Variants in SLC35C1 observed in about 807,000 individuals in gnomAD.
SLC35C1 encodes the protein solute carrier family 35 member C1.
In SLC35C1, 8 loss-of-function variants were observed where a neutral mutation model predicts 23.2. That is an observed-to-expected ratio of 0.35 (90% CI 0.20 to 0.62). The LOEUF (loss-of-function observed/expected upper bound fraction) is 0.62. Ranked by LOEUF, SLC35C1 falls within the 20% of genes least tolerant of loss-of-function variation. The pLI is 0.75. For synonymous variants in SLC35C1, 226 were observed against 225.1 expected, an observed-to-expected ratio of 1.00 and a Z score of -0.04; for missense variants, 422 against 478.6, an observed-to-expected ratio of 0.88 and a Z score of 1.10.
intron 1 of SLC35C1, among the ~76,000 whole-genome samples, chr11:45,809,415 T>C (rs2085912298): frequency 6.6e-6 from 1 of 151,570 alleles, no homozygotes; most frequent in Admixed American, 6.6e-5. Context: ...CGTGCACTTC[T>C]TCATGGCTGG....
chr11:45,810,457 A>G, intron 1 of SLC35C1: 2 of 985,406 alleles, frequency 2.0e-6, no homozygotes, highest in African/African-American at 3.5e-5. Context: ...ACCTTGTACT[A>G]CTTTATGGAC....
At chr11:45,810,594 A>C in intron 1 of SLC35C1, 182 bp from the exon 2 acceptor site, 1 of 985,274 alleles carries the variant, frequency 1.0e-6, no homozygotes, top group Non-Finnish European at 1.2e-6. Flanking sequence ...CCCATAGTTC[A>C]TGTGGAGTGC....
At position 45,805,994 on chromosome 11, in the gene SLC35C1, A is replaced by T; in HGVS notation, c.193A>T (p.Ser65Cys). ...GTTCCTTAATAAGTACCTGCTGGACAGCCCCTCCCTGCGGCTGGACACCCC... is the reference window on the plus strand; with the variant it reads ...GTTCCTTAATAAGTACCTGCTGGACTGCCCCTCCCTGCGGCTGGACACCCC... ...MVFLNKYLLDSPSLRLDTPIF... is the reference protein window; with the variant it reads ...MVFLNKYLLDCPSLRLDTPIF... Residue 65 changes from serine (S) to cysteine (C), a missense_variant, in exon 1 of 2, where the codon AGC (serine) becomes TGC (cysteine). Coordinates refer to ENST00000314134, the MANE Select transcript of SLC35C1 (RefSeq NM_018389.5). 6.2e-7 allele frequency: 1 copy of T among 1,614,048 alleles called. No homozygotes were observed. The highest frequency in any genetic ancestry group is 8.5e-7 in the Non-Finnish European group (1 of 1,180,002).
At chr11:45,804,756 G>A (rs570576318), upstream of SLC35C1, 5 of 985,744 alleles carry the variant, frequency 5.1e-6, no homozygotes, top group South Asian at 2.3e-4. Flanking sequence ...AGGGACGCGG[G>A]GCTGCAACGC....
intron 1 of SLC35C1, chr11:45,809,820 G>T: frequency 1.0e-6 from 1 of 985,434 alleles, no homozygotes; most frequent in Non-Finnish European, 1.2e-6. Flanking sequence ...CTGGCTTCTG[G>T]GAGCATGGGA....
rs1590742538 is a variant in SLC35C1, at chr11:45,805,664, A to G, written c.-138A>G. The G allele has an allele frequency of 1.3e-6, 2 of 1,546,928 alleles. No individual in the cohort carries two copies. The highest frequency in any genetic ancestry group is 8.7e-7 in the Non-Finnish European group (1 of 1,151,316). On this transcript the variant is annotated 5_prime_UTR_variant, in exon 1 of 2. The change abolishes an upstream ATG in the 5' untranslated region. Coordinates refer to ENST00000314134, the MANE Select transcript of SLC35C1 (RefSeq NM_018389.5). ...CAGAACTTCTCAATCCATGAGGACA[A>G]TGGGGAGGCCTTTAGGCCAGCCCAC...
At position 45,810,767 on chromosome 11, in the gene SLC35C1, C is replaced by T; in HGVS notation, c.536-9C>T. ...TCACCCTTCCCCACTCCTCCTCTCCCCACTGCAGGGGGCTTCTGGCTTGGT... is the reference window on the plus strand; with the variant it reads ...TCACCCTTCCCCACTCCTCCTCTCCTCACTGCAGGGGGCTTCTGGCTTGGT... On this transcript the variant is annotated splice_polypyrimidine_tract_variant and intron_variant, in intron 1 of 1. Transcript: ENST00000314134. The T allele has an allele frequency of 1.9e-6, 3 of 1,608,044 alleles. No individual in the cohort carries two copies. The highest frequency in any genetic ancestry group is 2.5e-6 in the Non-Finnish European group (3 of 1,176,652).
intron 1 of SLC35C1, chr11:45,810,243 C>T: frequency 1.0e-6 from 1 of 985,426 alleles, no homozygotes; most frequent in Non-Finnish European, 1.2e-6. Flanking sequence ...ACAAGAGATT[C>T]TAACTTAATG....
Position 45,805,335 on chromosome 11 carries a change from G to GGCCCCC in SLC35C1, c.-467_-466insGCCCCC. The GGCCCCC allele has an allele frequency of 1.8e-6, 1 of 566,212 alleles. No homozygotes were observed. Among genetic ancestry groups the GGCCCCC allele is most frequent in the Non-Finnish European group, 2.1e-6 (1 of 483,464 alleles). 35.1% of individuals were successfully genotyped at this position (566,212 alleles called of 1,614,324 possible). On this transcript the variant is annotated 5_prime_UTR_variant, in exon 1 of 2. Coordinates refer to ENST00000314134, the MANE Select transcript of SLC35C1 (RefSeq NM_018389.5). Reference sequence around the variant, plus strand: ...GCTCCCTGTACGCCTCCCTCCCCCTGCCCGCCCCTCCCTCCCACAGCCGCC... The same window carrying GGCCCCC: ...GCTCCCTGTACGCCTCCCTCCCCCTGGCCCCCCCCGCCCCTCCCTCCCACAGCCGCC...
At chr11:45,810,087 G>T in intron 1 of SLC35C1, 2 of 985,436 alleles carry the variant, frequency 2.0e-6, no homozygotes, top group Non-Finnish European at 2.4e-6. Flanking sequence ...GGGAAGCTGG[G>T]GCGACCATAG....
chr11:45,804,810 C>G, upstream of SLC35C1: 1 of 985,686 alleles, frequency 1.0e-6, no homozygotes. Flanking sequence ...TAGCGCCGCC[C>G]GGGTCCTGGG....
In SLC35C1 at chr11:45,812,394, C is replaced by G; in HGVS notation, c.*1059C>G. On this transcript the variant is annotated 3_prime_UTR_variant, in exon 2 of 2. Transcript: ENST00000314134. ...TGTGGCTGACAGAGCCTGCTTGGCC[C>G]CACTGTTAGTCCAGCGAGCTCCTAT... 1.1e-5 allele frequency: 4 copies of G among 370,464 alleles called. No individual in the cohort carries two copies. Among genetic ancestry groups the G allele is most frequent in the South Asian group, 7.9e-5 (4 of 50,834 alleles). The allele number at this position is 370,464 out of a possible 1,614,324, so 22.9% of individuals were successfully genotyped here. A position where few individuals can be genotyped will look rare whatever the true frequency, so the allele number is the denominator to read the frequency against.
In SLC35C1 at chr11:45,805,286, T is replaced by C. The variant is rs930233907; in HGVS notation, c.-516T>C. Reference sequence around the variant, plus strand: ...CCTCTGACCCTTCCGCAGCCCTCCCTCCAGCCGCGCCCGGCCTCCGGCAGC... The same window carrying C: ...CCTCTGACCCTTCCGCAGCCCTCCCCCCAGCCGCGCCCGGCCTCCGGCAGC... On this transcript the variant is annotated 5_prime_UTR_variant, in exon 1 of 2. Transcript: ENST00000314134. The C allele has an allele frequency of 1.0e-6, 1 of 997,514 alleles. No homozygotes were observed. Among genetic ancestry groups the C allele is most frequent in the South Asian group, 3.6e-5 (1 of 27,716 alleles). The allele number at this position is 997,514 out of a possible 1,614,324, so 61.8% of individuals were successfully genotyped here. A position where few individuals can be genotyped will look rare whatever the true frequency, so the allele number is the denominator to read the frequency against.
Position 45,811,324 on chromosome 11 carries a change from A to G in SLC35C1, c.1084A>G (p.Met362Val), listed in dbSNP as rs998486328. 5 of 1,522,034 alleles carry G rather than the reference A, an allele frequency of 3.3e-6. No individual in the cohort carries two copies. Among genetic ancestry groups the G allele is most frequent in the African/African-American group, 1.4e-5 (1 of 72,468 alleles). 94.3% of individuals were successfully genotyped at this position (1,522,034 alleles called of 1,614,324 possible). ...CCCCAAAGACAGCGAGAAGAGCGCC[A>G]TGGGGGTGTGAGCACCACAGGCACC... is the stretch of plus-strand genomic sequence containing the variant. ...PSPKDSEKSA[M>V]GV Residue 362 changes from methionine (M) to valine (V), a missense_variant, in exon 2 of 2, where the codon ATG becomes GTG. Met to Val is a conservative substitution (Grantham distance 21). Coordinates refer to ENST00000314134, the MANE Select transcript of SLC35C1 (RefSeq NM_018389.5).
rs2085965273 is a variant in SLC35C1, at chr11:45,812,789, C to T, written c.*1454C>T. 2.5e-6 allele frequency: 1 copy of T among 400,812 alleles called. No individual in the cohort carries two copies. Among genetic ancestry groups the T allele is most frequent in the African/African-American group, 2.0e-5 (1 of 48,814 alleles). The allele number at this position is 400,812 out of a possible 1,614,324, so 24.8% of individuals were successfully genotyped here. A position where few individuals can be genotyped will look rare whatever the true frequency, so the allele number is the denominator to read the frequency against. ...GCCATACCACCCTTCACCACACCCT[C>T]CTGCGCTCAGGGTGGCTTGCAGTCC... On this transcript the variant is annotated 3_prime_UTR_variant, in exon 2 of 2. Coordinates refer to ENST00000314134, the MANE Select transcript of SLC35C1 (RefSeq NM_018389.5).
chr11:45,804,537 GCCT>G (rs1389876266), upstream of SLC35C1: 2 of 985,454 alleles, frequency 2.0e-6, no homozygotes, highest in African/African-American at 3.5e-5. Context: ...GCTGTCTTGA[GCCT>G]TTGGAATCTC....
Position 45,805,655 on chromosome 11 carries a change from A to G in SLC35C1, c.-147A>G. On this transcript the variant is annotated 5_prime_UTR_variant, in exon 1 of 2. The change abolishes an upstream ATG in the 5' untranslated region. Transcript: ENST00000314134. ...ACCCCAAAGCAGAACTTCTCAATCC[A>G]TGAGGACAATGGGGAGGCCTTTAGG... The G allele has an allele frequency of 1.3e-6, 2 of 1,530,074 alleles. No homozygotes were observed. Among genetic ancestry groups the G allele is most frequent in the African/African-American group, 2.7e-5 (2 of 73,046 alleles). 94.8% of individuals were successfully genotyped at this position (1,530,074 alleles called of 1,614,324 possible).
Position 45,806,063 on chromosome 11 carries a change from T to C in SLC35C1, c.262T>C (p.Cys88Arg). The change falls in exon 1 of 2, where the codon TGC (cysteine) becomes CGC (arginine). Residue 88 changes from cysteine (C) to arginine (R), a missense_variant. By Grantham distance (180) the Cys-to-Arg change is radical. Transcript: ENST00000314134. The stretch of plus-strand genomic sequence containing the variant: ...CCAGTGCCTGGTGACCACGCTGCTG[T>C]GCAAAGGCCTCAGCGCTCTGGCCGC... The part of the protein sequence containing the change: ...FYQCLVTTLL[C>R]KGLSALAACC... 1 of 1,613,084 alleles carries C rather than the reference T, an allele frequency of 6.2e-7. No homozygotes were observed. The highest frequency in any genetic ancestry group is 1.3e-5 in the African/African-American group (1 of 75,060).
Position 45,805,918 on chromosome 11 carries a change from G to A in SLC35C1, c.117G>A (p.Leu39=). The change falls in exon 1 of 2, where the codon TTG becomes TTA. Residue 39 remains leucine (L), a synonymous_variant. Transcript: ENST00000314134. ...NGEKPFLLRA[L]QIALVVSLYW... is the part of the protein sequence containing the mutation. ...AGAAGCCCTTTCTGCTGCGGGCATT[G>A]CAGATCGCGCTGGTGGTCTCCCTCT... 1 of 1,614,200 alleles carries A rather than the reference G, an allele frequency of 6.2e-7. No individual in the cohort carries two copies. The highest frequency in any genetic ancestry group is 2.2e-5 in the East Asian group (1 of 44,880).
Sources: gnomAD v4.1 joint callset for allele counts (sites outside exome capture counted in the v4.1 genomes callset) on GRCh38, gnomAD v4.1.1 for gene constraint, MANE v1.5 for transcripts, NCBI Gene and HGNC (gene_info 2026-07-23, HGNC 2026-07-21) for gene names.